Variants in CNTN4 observed in about 807,000 individuals in gnomAD.
CNTN4 encodes the protein contactin 4, also known as contactin-4.
In CNTN4, 77 loss-of-function variants were observed where a neutral mutation model predicts 122.5. That is an observed-to-expected ratio of 0.63 (90% CI 0.52 to 0.76). CNTN4 has a LOEUF of 0.76. Among genes scored for constraint, CNTN4 ranks in the 30% least tolerant of loss-of-function variants. The probability of loss-of-function intolerance (pLI) is 0.00; values close to 1 mark genes in which losing one functional copy is unlikely to be tolerated. For missense variants in CNTN4, 1,256 were observed against 1,259.1 expected (o/e 1.00, Z 0.04); for synonymous variants, 512 against 447.0 (o/e 1.15, Z -1.83).
chr3:2,450,496 G>A (rs1218160266), intron 3 of CNTN4, among the ~76,000 whole-genome samples: 1 of 152,198 alleles, frequency 6.6e-6, no homozygotes, highest in East Asian at 1.9e-4. Flanking sequence ...AGGCTATGAT[G>A]ATTCTCAATA....
At chr3:2,429,920 G>C (rs143257012) in intron 3 of CNTN4, among the ~76,000 whole-genome samples, 1 of 152,132 alleles carries the variant, frequency 6.6e-6, no homozygotes, top group African/African-American at 2.4e-5. Context: ...CATTGGAAAA[G>C]TGCAGTATTA....
At chr3:2,712,696 G>C (rs1044735271) in intron 4 of CNTN4, among the ~76,000 whole-genome samples, 2 of 152,148 alleles carry the variant, frequency 1.3e-5, no homozygotes, top group Non-Finnish European at 2.9e-5. Context: ...AGATGGGTCT[G>C]GTCACCAGAA....
chr3:2,599,676 G>C (rs552811885), intron 4 of CNTN4, among the ~76,000 whole-genome samples: 1 of 152,166 alleles, frequency 6.6e-6, no homozygotes, highest in South Asian at 2.1e-4. Context: ...TTGGTTAAAA[G>C]TTTGTAATGG....
intron 6 of CNTN4, among the ~76,000 whole-genome samples, chr3:2,770,326 C>T (rs751731013): frequency 2.0e-5 from 3 of 152,178 alleles, no homozygotes; most frequent in African/African-American, 7.2e-5. Flanking sequence ...CCGTTTCCGG[C>T]CCTCTTCCAT....
At chr3:2,697,774 T>C (rs1446570916) in intron 4 of CNTN4, among the ~76,000 whole-genome samples, 4 of 152,130 alleles carry the variant, frequency 2.6e-5, no homozygotes, top group African/African-American at 9.7e-5. Flanking sequence ...GGCTGTCAAG[T>C]CTGAATTGCA....
intron 4 of CNTN4, among the ~76,000 whole-genome samples, chr3:2,604,339 T>C (rs1447434447): frequency 6.6e-6 from 1 of 152,198 alleles, no homozygotes; most frequent in Non-Finnish European, 1.5e-5. Context: ...AGAGGAAAGA[T>C]GTTTTTTCAT....
At chr3:2,831,545 CGA>C (rs2093104763) in intron 7 of CNTN4, among the ~76,000 whole-genome samples, 1 of 152,124 alleles carries the variant, frequency 6.6e-6, no homozygotes, top group Admixed American at 6.5e-5. Flanking sequence ...CACTTTGTAC[CGA>C]GCCAAGAGAG....
chr3:2,407,123 C>G (rs1392075985), intron 3 of CNTN4, among the ~76,000 whole-genome samples: 1 of 152,120 alleles, frequency 6.6e-6, no homozygotes, highest in Admixed American at 6.6e-5. Flanking sequence ...AGTTTTTATA[C>G]AACAGCGGAC....
intron 3 of CNTN4, among the ~76,000 whole-genome samples, chr3:2,369,571 G>T (rs1041053959): frequency 6.6e-6 from 1 of 152,146 alleles, no homozygotes; most frequent in Non-Finnish European, 1.5e-5. Context: ...AGGGAGAATA[G>T]GATGCCCCCC....
At chr3:2,362,562 T>TGAA in intron 3 of CNTN4, 1 of 602,926 alleles carries the variant, frequency 1.7e-6, no homozygotes, top group Non-Finnish European at 3.1e-6. Context: ...TTAACCAGGC[T>TGAA]GAAGAAGAAG....
chr3:2,104,776 G>A (rs1368803621), intron 2 of CNTN4, among the ~76,000 whole-genome samples: 2 of 152,158 alleles, frequency 1.3e-5, no homozygotes, highest in Non-Finnish European at 1.5e-5. Context: ...TAAATAACTA[G>A]CCAGTCTTTG....
At chr3:3,039,796 C>A (rs373749328) in intron 19 of CNTN4, 478 of 509,874 alleles carry the variant, frequency 9.4e-4, no homozygotes, top group African/African-American at 7.4e-3. Flanking sequence ...GCTGGGTCTG[C>A]CCCATCAAAG....
At chr3:2,257,882 G>T (rs1337476923) in intron 2 of CNTN4, among the ~76,000 whole-genome samples, 2 of 152,076 alleles carry the variant, frequency 1.3e-5, no homozygotes, top group African/African-American at 4.8e-5. Flanking sequence ...GGCCTACATG[G>T]TCAAACCCTG....
At chr3:2,300,247 CAT>C (rs771675811) in intron 2 of CNTN4, among the ~76,000 whole-genome samples, 7 of 152,190 alleles carry the variant, frequency 4.6e-5, no homozygotes, top group South Asian at 2.1e-4. Context: ...TATCATTTCA[CAT>C]GTGTTGACTT....
intron 4 of CNTN4, among the ~76,000 whole-genome samples, chr3:2,590,915 T>C (rs2080439565): frequency 6.6e-6 from 1 of 152,104 alleles, no homozygotes; most frequent in African/African-American, 2.4e-5. Context: ...TGCAATAAAC[T>C]ATAAAAATTA....
intron 13 of CNTN4, among the ~76,000 whole-genome samples, chr3:2,954,437 G>C (rs929588515): frequency 7.2e-5 from 11 of 151,872 alleles, no homozygotes; most frequent in African/African-American, 2.7e-4. Context: ...TGTGTCAAAT[G>C]TCTTGCCATC....
In CNTN4 at chr3:2,844,326, C is replaced by T. The variant is rs545293638; in HGVS notation, c.455-22426C>T. 8.5e-5 allele frequency among the ~76,000 whole-genome samples: 13 copies of T among 152,260 alleles called. No homozygotes were observed. In the East Asian group the frequency reaches 1.3e-3, roughly 16 times the overall value. On this transcript the variant is annotated intron_variant, in intron 7 of 24. Coordinates refer to ENST00000418658, the MANE Select transcript of CNTN4 (RefSeq NM_175607.3). ...TTTATTGCAGATTTGCAGAATTTCA[C>T]GGTTGTACTTTAAAGCATTTTATGT... is the stretch of plus-strand genomic sequence containing the variant.
At chr3:2,464,017 A>C (rs1367709177) in intron 3 of CNTN4, among the ~76,000 whole-genome samples, 1 of 152,158 alleles carries the variant, frequency 6.6e-6, no homozygotes, top group Non-Finnish European at 1.5e-5. Flanking sequence ...CTTTAAAAAC[A>C]ATATTTGCAC....
intron 3 of CNTN4, among the ~76,000 whole-genome samples, chr3:2,567,474 A>AT (rs2079222750): frequency 6.6e-6 from 1 of 152,090 alleles, no homozygotes; most frequent in Non-Finnish European, 1.5e-5. Flanking sequence ...CTCAGCCTAT[A>AT]ACTCCCAAAC....
Sources: allele counts gnomAD v4.1 joint callset (sites outside exome capture counted in the v4.1 genomes callset), GRCh38; gene constraint gnomAD v4.1.1; transcripts MANE v1.5; gene names NCBI Gene and HGNC (gene_info 2026-07-23, HGNC 2026-07-21).